KTN1: variants seen among roughly 807,000 people sequenced by gnomAD.
KTN1 encodes kinectin 1, also known as kinectin.
A neutral mutation model predicts 222.5 loss-of-function variants in KTN1; 130 were observed. The observed-to-expected ratio is 0.58, with a 90% CI of 0.51 to 0.68. The LOEUF is 0.68. Ranked by LOEUF, KTN1 falls within the 30% of genes least tolerant of loss-of-function variation. KTN1 has a pLI of 0.00. For missense variants in KTN1, 1,508 were observed against 1,500.4 expected (o/e 1.01, Z -0.08); for synonymous variants, 512 against 496.3 (o/e 1.03, Z -0.42).
At chr14:55,594,063 G>C (rs1324196131) in intron 1 of KTN1, among the ~76,000 whole-genome samples, 1 of 152,074 alleles carries the variant, frequency 6.6e-6, no homozygotes, top group Non-Finnish European at 1.5e-5. Flanking sequence ...TCTTAGTTTT[G>C]AGTTTAGCCA....
At chr14:55,663,646 A>G (rs184564268) in intron 32 of KTN1, 1 of 241,924 alleles carries the variant, frequency 4.1e-6, no homozygotes, top group Non-Finnish European at 8.0e-6. Context: ...TGTACCTGAA[A>G]TCATGTATGT....
chr14:55,634,536 GA>G lies in KTN1; in HGVS notation c.1341del (p.Glu447AspfsTer2). On this transcript the variant is annotated frameshift_variant, in exon 9 of 44. Coordinates refer to ENST00000395314, the MANE Select transcript of KTN1 (RefSeq NM_001079521.2). LOFTEE classifies it high-confidence loss of function. The stretch of plus-strand genomic sequence containing the variant: ...AGTTACTGTTTTCAGGCAGTCTGCA[GA>G]ACTAAATAAACTACGCCAGGATTAT... ...TNQLESKQSA[E>X]LNKLRQDYAR... 1 of 1,611,834 alleles carries G rather than the reference GA, an allele frequency of 6.2e-7. No individual in the cohort carries two copies. Among genetic ancestry groups the G allele is most frequent in the Non-Finnish European group, 8.5e-7 (1 of 1,179,278 alleles).
At chr14:55,591,851 C>T (rs972947839) in intron 1 of KTN1, among the ~76,000 whole-genome samples, 9 of 152,178 alleles carry the variant, frequency 5.9e-5, no homozygotes, top group African/African-American at 1.9e-4. Context: ...GCTGTGATTA[C>T]AGGCGTGAGC....
rs202058688 is a variant in KTN1, at chr14:55,648,083, A to T, written c.2266A>T (p.Ile756Phe). The stretch of plus-strand genomic sequence containing the variant: ...GGAAGAATTACTTGAAACTGGACTT[A>T]TTCAGGTGGCAACTAAAGAAGAGGA... ...TVEELLETGLIQVATKEEELN... is the reference protein window; with the variant it reads ...TVEELLETGLFQVATKEEELN... Residue 756 changes from isoleucine (I) to phenylalanine (F), a missense_variant, in exon 20 of 44, where the codon ATT becomes TTT. Physicochemically the swap from Ile to Phe is conservative, Grantham distance 21. Transcript: ENST00000395314. The T allele has an allele frequency of 1.1e-4, 180 of 1,571,530 alleles. No individual in the cohort carries two copies. The highest frequency in any genetic ancestry group is 1.5e-4 in the Non-Finnish European group (170 of 1,159,336).
At chr14:55,616,192 CA>C (rs1396369991) in intron 2 of KTN1, among the ~76,000 whole-genome samples, 2 of 152,178 alleles carry the variant, frequency 1.3e-5, no homozygotes, top group African/African-American at 4.8e-5. Flanking sequence ...TCAAGTGATC[CA>C]CCTGCCTCAG....
chr14:55,647,364 G>C (rs2141069325), intron 19 of KTN1, among the ~76,000 whole-genome samples: 1 of 152,272 alleles, frequency 6.6e-6, no homozygotes, highest in South Asian at 2.1e-4. Flanking sequence ...GCTGGGCGTG[G>C]TGGCTCACAC....
At position 55,618,042 on chromosome 14, in the gene KTN1, A is replaced by G. The variant is rs2038634909; in HGVS notation, c.740A>G (p.Asp247Gly). Reference sequence around the variant, plus strand: ...AATGCTGACTCAAGTCCTGTGGTAGATAAGAGAGAGGTTATTGATTTGCTT... The same window carrying G: ...AATGCTGACTCAAGTCCTGTGGTAGGTAAGAGAGAGGTTATTGATTTGCTT... The part of the protein sequence containing the change: ...MDNADSSPVV[D>G]KREVIDLLKP... Residue 247 changes from aspartate (D) to glycine (G), a missense_variant, in exon 4 of 44, where the codon GAT becomes GGT. Asp to Gly is a moderately conservative substitution (Grantham distance 94). Transcript: ENST00000395314. The G allele has an allele frequency of 1.2e-6, 2 of 1,612,656 alleles. No individual in the cohort carries two copies. Among genetic ancestry groups the G allele is most frequent in the Admixed American group, 1.7e-5 (1 of 59,972 alleles).
At chr14:55,663,757 T>G in intron 32 of KTN1, 198 bp from the exon 33 acceptor site, 1 of 512,196 alleles carries the variant, frequency 2.0e-6, no homozygotes, top group Non-Finnish European at 3.5e-6. Context: ...TACTAAAACA[T>G]GGAAAGTGGG....
intron 1 of KTN1, among the ~76,000 whole-genome samples, chr14:55,587,788 C>A (rs769015724): frequency 2.6e-5 from 4 of 152,144 alleles, no homozygotes; most frequent in Non-Finnish European, 4.4e-5. Flanking sequence ...GCTGGATAAT[C>A]TTTGTGCTTG....
At chr14:55,634,899 G>C (rs867986544) in intron 9 of KTN1, among the ~76,000 whole-genome samples, 7 of 152,080 alleles carry the variant, frequency 4.6e-5, no homozygotes, top group Admixed American at 6.5e-5. Flanking sequence ...GAGCGAGGGG[G>C]AAGACTCCCT....
chr14:55,651,501 T>C lies in KTN1; in HGVS notation c.2566-389T>C, dbSNP rs371021634. The C allele has an allele frequency of 5.0e-5, 19 of 382,868 alleles. No homozygotes were observed. In the East Asian group the frequency reaches 1.3e-3, roughly 25 times the overall value. 23.7% of individuals were successfully genotyped at this position (382,868 alleles called of 1,614,324 possible). A position where few individuals can be genotyped will look rare whatever the true frequency, so the allele number is the denominator to read the frequency against. ...ATACAGTAGGGAGGTGTGTGGAGAG[T>C]TAATATTCTAATTTTCAGTACTGTA... On this transcript the variant is annotated intron_variant, in intron 24 of 43. Coordinates refer to ENST00000395314, the MANE Select transcript of KTN1 (RefSeq NM_001079521.2).
chr14:55,601,091 A>G (rs1431606082), intron 1 of KTN1, among the ~76,000 whole-genome samples: 1 of 152,212 alleles, frequency 6.6e-6, no homozygotes, highest in Non-Finnish European at 1.5e-5. Flanking sequence ...TATTAAAGGG[A>G]AAAAAGTTTG....
intron 5 of KTN1, among the ~76,000 whole-genome samples, chr14:55,627,627 A>G (rs1429992841): frequency 6.6e-6 from 1 of 151,962 alleles, no homozygotes; most frequent in Non-Finnish European, 1.5e-5. Flanking sequence ...CCCGACAGGC[A>G]TGTTGCCCTT....
intron 12 of KTN1, among the ~76,000 whole-genome samples, chr14:55,638,241 T>TCA (rs2041364161): frequency 6.6e-6 from 1 of 152,004 alleles, no homozygotes; most frequent in Admixed American, 6.6e-5. Context: ...TAACCATAGA[T>TCA]CACAGATTAT....
intron 40 of KTN1, chr14:55,674,756 T>A (rs1199985092): frequency 6.6e-6 from 1 of 152,188 alleles, no homozygotes; most frequent in Non-Finnish European, 1.5e-5. Flanking sequence ...TGTCAGGAGA[T>A]CATTTTTAGT....
At chr14:55,581,890 G>T in intron 1 of KTN1, among the ~76,000 whole-genome samples, 1 of 151,418 alleles carries the variant, frequency 6.6e-6, no homozygotes, top group Non-Finnish European at 1.5e-5. Context: ...GATAAAAAAG[G>T]CTCTTTTTTT....
intron 37 of KTN1, chr14:55,672,325 A>G (rs976643227): frequency 1.2e-5 from 3 of 254,754 alleles, no homozygotes; most frequent in Admixed American, 1.0e-4. Context: ...GCCAATGTGC[A>G]GAATTTACAG....
intron 1 of KTN1, 79 bp downstream of exon 1, chr14:55,580,433 T>G (rs2031089445): frequency 6.9e-6 from 1 of 144,270 alleles, no homozygotes; most frequent in Admixed American, 6.8e-5. Flanking sequence ...CGCGGGGTCC[T>G]GGGGCAGGCG....
intron 5 of KTN1, among the ~76,000 whole-genome samples, chr14:55,625,542 T>G (rs1240815286): frequency 6.6e-6 from 1 of 152,188 alleles, no homozygotes; most frequent in Non-Finnish European, 1.5e-5. Flanking sequence ...TTTCTGTGAT[T>G]ATAATTTTCA....
Sources: allele counts gnomAD v4.1 joint callset (sites outside exome capture counted in the v4.1 genomes callset), GRCh38; gene constraint gnomAD v4.1.1; transcripts MANE v1.5; gene names NCBI Gene and HGNC (gene_info 2026-07-23, HGNC 2026-07-21).